Variants in SCN9A observed in about 807,000 individuals in gnomAD.
The protein encoded by SCN9A is sodium channel protein type 9 subunit alpha.
A neutral mutation model predicts 187.0 loss-of-function variants in SCN9A; 131 were observed. The observed-to-expected ratio is 0.70, with a 90% CI of 0.61 to 0.81. The LOEUF is 0.81. Ranked by LOEUF, SCN9A falls within the 30% of genes least tolerant of loss-of-function variation. SCN9A has a pLI of 0.00. For missense variants in SCN9A, 2,252 were observed against 2,396.6 expected, an observed-to-expected ratio of 0.94 and a Z score of 1.26; for synonymous variants, 809 against 808.6, an observed-to-expected ratio of 1.00 and a Z score of -0.01.
chr2:166,276,212 A>G (rs1697228396), intron 16 of SCN9A, among the ~76,000 whole-genome samples: 1 of 152,194 alleles, frequency 6.6e-6, no homozygotes, highest in African/African-American at 2.4e-5. Context: ...AAAAGTAGGC[A>G]GATTGCTATG....
intron 22 of SCN9A, among the ~76,000 whole-genome samples, chr2:166,228,088 A>T (rs1157612090): frequency 6.6e-6 from 1 of 152,014 alleles, no homozygotes; most frequent in Admixed American, 6.6e-5. Context: ...CATAGTGTGA[A>T]GCAGGAAGTT....
At chr2:166,319,440 C>A (rs534792758) in intron 1 of SCN9A, among the ~76,000 whole-genome samples, 11 of 150,256 alleles carry the variant, frequency 7.3e-5, no homozygotes, top group African/African-American at 1.7e-4. Flanking sequence ...TTCTTTAGAA[C>A]GTGTAAATAG....
Position 166,304,419 on chromosome 2 carries a change from G to A in SCN9A, c.597-90C>T, listed in dbSNP as rs938344586. The A allele has an allele frequency of 1.0e-4, 113 of 1,106,454 alleles. 1 individual carries two copies. Among genetic ancestry groups the A allele is most frequent in the Non-Finnish European group, 2.0e-5 (15 of 755,272 alleles). 68.5% of individuals were successfully genotyped at this position (1,106,454 alleles called of 1,614,324 possible). ...AGTCAAGGTATTTTCTACGTTTGGG[G>A]CTTCTATTTTAAATGTATAGTTCTG... On this transcript the variant is annotated intron_variant, in intron 5 of 26. Transcript: ENST00000642356.
chr2:166,313,595 G>C (rs370211696), intron 1 of SCN9A, among the ~76,000 whole-genome samples: 1 of 152,104 alleles, frequency 6.6e-6, no homozygotes, highest in Non-Finnish European at 1.5e-5. Flanking sequence ...CTGTGGATTA[G>C]GCTTTGGCTT....
intron 24 of SCN9A, among the ~76,000 whole-genome samples, chr2:166,208,166 A>C (rs887038830): frequency 6.6e-6 from 1 of 152,174 alleles, no homozygotes; most frequent in Non-Finnish European, 1.5e-5. Flanking sequence ...GAATTCTGTA[A>C]GTCAGGCTAG....
rs553198489 is a variant in SCN9A at position 166,343,877 on chromosome 2, C to T, written c.-51+31820G>A. On this transcript the variant is annotated intron_variant, in intron 1 of 26. Coordinates refer to ENST00000642356, the MANE Select transcript of SCN9A (RefSeq NM_001365536.1). The stretch of plus-strand genomic sequence containing the variant: ...CTTCATTATATTATTGTGTGCATTA[C>T]AATAGATAATGTACAAATCATTTTA... Among the ~76,000 whole-genome samples the T allele has an allele frequency of 2.0e-5, 3 of 152,256 alleles. No individual in the cohort carries two copies. In the South Asian group the frequency reaches 6.2e-4, roughly 32 times the overall value.
intron 9 of SCN9A, among the ~76,000 whole-genome samples, chr2:166,291,489 G>A (rs1015965676): frequency 3.9e-5 from 6 of 152,134 alleles, no homozygotes; most frequent in African/African-American, 1.4e-4. Context: ...CATGTAAATG[G>A]CCATACTGCC....
chr2:166,213,720 G>A (rs1694198494), intron 24 of SCN9A, among the ~76,000 whole-genome samples: 1 of 152,094 alleles, frequency 6.6e-6, no homozygotes, highest in Non-Finnish European at 1.5e-5. Context: ...GCTTTTGAAG[G>A]AAGTGACTTC....
chr2:166,309,068 T>C (rs1698856188), intron 2 of SCN9A, among the ~76,000 whole-genome samples: 1 of 151,618 alleles, frequency 6.6e-6, no homozygotes, highest in Admixed American at 6.6e-5. Flanking sequence ...AGAAAGTAAC[T>C]AATATAAGGC....
intron 1 of SCN9A, among the ~76,000 whole-genome samples, chr2:166,331,596 TTCC>T (rs1699504671): frequency 6.6e-6 from 1 of 152,204 alleles, no homozygotes; most frequent in African/African-American, 2.4e-5. Flanking sequence ...CCTAATATTT[TTCC>T]TCAACATATT....
chr2:166,356,290 A>G (rs1700150943), intron 1 of SCN9A, among the ~76,000 whole-genome samples: 1 of 152,184 alleles, frequency 6.6e-6, no homozygotes. Context: ...AATAAACCTT[A>G]TATTAATACT....
At position 166,198,472 on chromosome 2, in the gene SCN9A, C is replaced by T. The variant is rs188197187; in HGVS notation, c.*200G>A. Reference sequence around the variant, plus strand: ...CAATAATTCCTACAGAGTTCTCTTACGATTCTTAAAGAATCATCAGTGCAA... The same window carrying T: ...CAATAATTCCTACAGAGTTCTCTTATGATTCTTAAAGAATCATCAGTGCAA... On this transcript the variant is annotated 3_prime_UTR_variant, in exon 27 of 27. Transcript: ENST00000642356. 6.3e-5 allele frequency: 34 copies of T among 542,652 alleles called. No individual in the cohort carries two copies. Among genetic ancestry groups the T allele is most frequent in the Admixed American group, 6.1e-4 (18 of 29,312 alleles). 33.6% of individuals were successfully genotyped at this position (542,652 alleles called of 1,614,324 possible).
At chr2:166,352,089 G>A (rs1700046913) in intron 1 of SCN9A, among the ~76,000 whole-genome samples, 1 of 151,992 alleles carries the variant, frequency 6.6e-6, no homozygotes. Context: ...AAAAAAATAA[G>A]CCCTAAACCC....
chr2:166,339,663 C>G (rs1335356613), intron 1 of SCN9A, among the ~76,000 whole-genome samples: 1 of 152,114 alleles, frequency 6.6e-6, no homozygotes, highest in East Asian at 1.9e-4. Context: ...TCCCTGGCAC[C>G]TGAACAAGTG....
intron 9 of SCN9A, among the ~76,000 whole-genome samples, chr2:166,290,488 G>T (rs141144295): frequency 0.015 from 2,319 of 152,222 alleles, 115 homozygotes; most frequent in Admixed American, 0.097. Flanking sequence ...TTAAGGAATT[G>T]CCTCACTGTC....
intron 10 of SCN9A, among the ~76,000 whole-genome samples, chr2:166,287,501 T>C (rs1697825049): frequency 1.3e-5 from 2 of 152,176 alleles, no homozygotes; most frequent in Admixed American, 1.3e-4. Flanking sequence ...TTCTGATTTT[T>C]ACCATTATTA....
chr2:166,264,652 A>G (rs1230269071), intron 17 of SCN9A, among the ~76,000 whole-genome samples: 1 of 151,972 alleles, frequency 6.6e-6, no homozygotes, highest in African/African-American at 2.4e-5. Flanking sequence ...AGGTTGAGGA[A>G]ATCTGTCAAC....
In SCN9A at chr2:166,226,640, A is replaced by G; in HGVS notation, c.4325T>C (p.Ile1442Thr). 1 of 1,590,972 alleles carries G rather than the reference A, an allele frequency of 6.3e-7. No homozygotes were observed. The highest frequency in any genetic ancestry group is 8.6e-7 in the Non-Finnish European group (1 of 1,168,580). ...GTTCAAAGTGAAGAATGACCCAAAG[A>G]TGATAAAGACGACAAAATAAATATA... ...YMYIYFVVFI[I>T]FGSFFTLNLF... The change falls in exon 24 of 27, where the codon ATC becomes ACC. Residue 1442 changes from isoleucine (I) to threonine (T), a missense_variant. Coordinates refer to ENST00000642356, the MANE Select transcript of SCN9A (RefSeq NM_001365536.1).
chr2:166,234,834 T>G (rs1037486790), intron 20 of SCN9A, among the ~76,000 whole-genome samples: 2 of 152,176 alleles, frequency 1.3e-5, no homozygotes, highest in Non-Finnish European at 2.9e-5. Flanking sequence ...TGTAACAGTA[T>G]TAAGAGGCAG....
Sources: gnomAD v4.1 joint callset for allele counts (sites outside exome capture counted in the v4.1 genomes callset) on GRCh38, gnomAD v4.1.1 for gene constraint, MANE v1.5 for transcripts, NCBI Gene and HGNC (gene_info 2026-07-23, HGNC 2026-07-21) for gene names.